ZFR: variants seen among roughly 807,000 people sequenced by gnomAD.
The protein encoded by ZFR is zinc finger RNA binding protein.
ZFR carries 19 observed loss-of-function variants against 130.7 expected under a neutral mutation model. The observed-to-expected ratio is 0.15, with a 90% CI of 0.10 to 0.21. The LOEUF (loss-of-function observed/expected upper bound fraction) is 0.21, where lower values mean the gene tolerates loss of function less well. ZFR is among the 10% of genes least tolerant of loss of function. The pLI is 1.00. For synonymous variants in ZFR, 466 were observed against 456.9 expected (o/e 1.02, Z -0.25); for missense variants, 872 against 1,321.5 (o/e 0.66, Z 5.27).
chr5:32,421,588 G>T (rs765737670), intron 2 of ZFR, among the ~76,000 whole-genome samples: 26 of 152,106 alleles, frequency 1.7e-4, no homozygotes, highest in Non-Finnish European at 3.1e-4. Context: ...GAGAAATTCA[G>T]TCTAGAAAAG....
intron 2 of ZFR, among the ~76,000 whole-genome samples, chr5:32,426,086 C>A (rs1754066570): frequency 6.6e-6 from 1 of 152,066 alleles, no homozygotes; most frequent in Admixed American, 6.6e-5. Context: ...CTACTAATTA[C>A]AGTAAAATAA....
chr5:32,390,481 C>T lies in ZFR; in HGVS notation c.1980-44G>A, dbSNP rs368212660. 5.3e-5 allele frequency: 83 copies of T among 1,566,442 alleles called. No individual in the cohort carries two copies. In the African/African-American group the frequency reaches 1.0e-3, roughly 20 times the overall value. ...CATTATAAGCATATGAGGAAAAATA[C>T]AGCCCAAGAACTTGCATCAATAGTG... On this transcript the variant is annotated intron_variant, in intron 11 of 19. Transcript: ENST00000265069.
At chr5:32,383,812 G>A (rs1445133485) in intron 15 of ZFR, 2 of 456,478 alleles carry the variant, frequency 4.4e-6, no homozygotes, top group Non-Finnish European at 8.8e-6. Context: ...CTAAAGACAT[G>A]GTTTACTGCA....
intron 1 of ZFR, 106 bp downstream of exon 1, chr5:32,444,516 C>A: frequency 2.2e-6 from 3 of 1,347,536 alleles, no homozygotes; most frequent in Non-Finnish European, 2.9e-6. Context: ...GCCCGGGTGG[C>A]GGCCGCCGCC....
chr5:32,404,287 G>C (rs1238897911), intron 6 of ZFR, among the ~76,000 whole-genome samples, 190 bp from the exon 7 acceptor site: 1 of 152,114 alleles, frequency 6.6e-6, no homozygotes, highest in East Asian at 1.9e-4. Context: ...TGTTTATCAA[G>C]AATATTATCT....
At chr5:32,371,731 T>A (rs1287356995) in intron 17 of ZFR, among the ~76,000 whole-genome samples, 2 of 151,460 alleles carry the variant, frequency 1.3e-5, no homozygotes, top group Non-Finnish European at 2.9e-5. Context: ...ACAGAAGCAA[T>A]CAGGAAATCA....
At chr5:32,439,139 T>G (rs200937045) in intron 2 of ZFR, among the ~76,000 whole-genome samples, 2 of 152,232 alleles carry the variant, frequency 1.3e-5, no homozygotes, top group East Asian at 1.9e-4. Flanking sequence ...CCTTTTGGAA[T>G]GAAAATTATC....
rs1752260748 is a variant in ZFR at position 32,354,402 on chromosome 5, TTTATG to T, written c.*1353_*1357del. On this transcript the variant is annotated 3_prime_UTR_variant, in exon 20 of 20. Coordinates refer to ENST00000265069, the MANE Select transcript of ZFR (RefSeq NM_016107.5). The stretch of plus-strand genomic sequence containing the variant: ...ATACATCATTTCAAAGCAAAAGTAG[TTTATG>T]TTGTCAATTCTAACATATAATACAT... The T allele has an allele frequency of 6.6e-6, 1 of 152,654 alleles. No individual in the cohort carries two copies. Among genetic ancestry groups the T allele is most frequent in the Non-Finnish European group, 1.5e-5 (1 of 68,028 alleles). The allele number at this position is 152,654 out of a possible 1,614,324, so 9.5% of individuals were successfully genotyped here.
chr5:32,386,383 C>T (rs1047240754), intron 14 of ZFR, among the ~76,000 whole-genome samples: 1 of 152,212 alleles, frequency 6.6e-6, no homozygotes. Flanking sequence ...TTTTATTTCA[C>T]TTGCTTATCC....
At chr5:32,393,555 C>A (rs1419443681) in intron 11 of ZFR, among the ~76,000 whole-genome samples, 1 of 152,148 alleles carries the variant, frequency 6.6e-6, no homozygotes, top group Non-Finnish European at 1.5e-5. Context: ...GTTGGTCAGG[C>A]TGGTCTTGAA....
intron 2 of ZFR, among the ~76,000 whole-genome samples, chr5:32,430,111 A>C (rs2111849787): frequency 6.6e-6 from 1 of 151,620 alleles, no homozygotes; most frequent in East Asian, 1.9e-4. Context: ...ATCACGATAA[A>C]ACCCAAGGGA....
intron 9 of ZFR, among the ~76,000 whole-genome samples, chr5:32,399,318 C>T (rs1293717640): frequency 2.3e-5 from 3 of 129,958 alleles, no homozygotes. Flanking sequence ...CAAAAACTCT[C>T]CTAGATGCTA....
Position 32,370,127 on chromosome 5 carries a change from G to A in ZFR, c.2836-5852C>T, listed in dbSNP as rs79631219. On this transcript the variant is annotated intron_variant, in intron 17 of 19. Coordinates refer to ENST00000265069, the MANE Select transcript of ZFR (RefSeq NM_016107.5). ...TTTTTTTTTTGAGATAGGGTCTCACGATGTGCCCAGGCTGGCCTCAAAATC... is the reference window on the plus strand; with the variant it reads ...TTTTTTTTTTGAGATAGGGTCTCACAATGTGCCCAGGCTGGCCTCAAAATC... Among the ~76,000 whole-genome samples, 141 of 138,444 alleles carry A rather than the reference G, an allele frequency of 1.0e-3. 4 individuals carry two copies. In the East Asian group the frequency reaches 0.028, roughly 28 times the overall value. 90.8% of individuals were successfully genotyped at this position (138,444 alleles called of 152,430 possible).
chr5:32,363,919 T>C (rs1275271957), intron 19 of ZFR, 29 bp downstream of exon 19: 3 of 1,589,346 alleles, frequency 1.9e-6, no homozygotes. Context: ...AGTAACCCAA[T>C]AGGGCTCTGA....
At chr5:32,392,383 T>G (rs1198302698) in intron 11 of ZFR, among the ~76,000 whole-genome samples, 1 of 152,138 alleles carries the variant, frequency 6.6e-6, no homozygotes, top group African/African-American at 2.4e-5. Context: ...ATAAAGGACA[T>G]AACTGATAAA....
intron 3 of ZFR, among the ~76,000 whole-genome samples, chr5:32,419,287 C>G (rs1303592573): frequency 1.3e-5 from 2 of 151,952 alleles, no homozygotes; most frequent in African/African-American, 2.4e-5. Flanking sequence ...ATAATAGAGT[C>G]AAATGGACGG....
rs1247484324 is a variant in ZFR at position 32,390,418 on chromosome 5, A to G, written c.1999T>C (p.Tyr667His). ...MEMRRYEEDM[Y>H]WRRMEEEQHH... ...TGTTCTTCCTCCATTCTCCTCCAGTACATGTCCTCTTCATAACGTCTGAAA... is the reference window on the plus strand; with the variant it reads ...TGTTCTTCCTCCATTCTCCTCCAGTGCATGTCCTCTTCATAACGTCTGAAA... The change falls in exon 12 of 20, where the codon TAC becomes CAC. Residue 667 changes from tyrosine to histidine, a missense_variant. Around this residue, in one of 7 missense-constraint regions of ZFR, gnomAD observed 225 missense variants for 282.4 expected, o/e 0.80. Transcript: ENST00000265069. 1 of 1,614,068 alleles carries G rather than the reference A, an allele frequency of 6.2e-7. No individual in the cohort carries two copies. The highest frequency in any genetic ancestry group is 8.5e-7 in the Non-Finnish European group (1 of 1,179,936).
At chr5:32,390,854 A>G (rs1753152106) in intron 11 of ZFR, among the ~76,000 whole-genome samples, 1 of 152,246 alleles carries the variant, frequency 6.6e-6, no homozygotes, top group Non-Finnish European at 1.5e-5. Flanking sequence ...GAAGAAAAAC[A>G]GTGCAAGGCA....
chr5:32,408,387 G>A (rs1240627675), intron 5 of ZFR, among the ~76,000 whole-genome samples: 1 of 149,030 alleles, frequency 6.7e-6, no homozygotes, highest in East Asian at 2.0e-4. Flanking sequence ...TCCTTATTCT[G>A]CTTCATATTT....
Sources: gnomAD v4.1 joint callset for allele counts (sites outside exome capture counted in the v4.1 genomes callset) on GRCh38, gnomAD v4.1.1 for gene constraint, gnomAD v4.1.1 regional missense constraint, MANE v1.5 for transcripts, NCBI Gene and HGNC (gene_info 2026-07-23, HGNC 2026-07-21) for gene names.